CSMD1: variants seen among roughly 807,000 people sequenced by gnomAD.
The protein encoded by CSMD1 is CUB and sushi domain-containing protein 1.
CSMD1 carries 213 observed loss-of-function variants against 417.5 expected under a neutral mutation model. The observed-to-expected ratio is 0.51, with a 90% CI of 0.46 to 0.57. The LOEUF (loss-of-function observed/expected upper bound fraction) is 0.57. Ranked by LOEUF, CSMD1 falls within the 20% of genes least tolerant of loss-of-function variation. The probability of loss-of-function intolerance (pLI) is 0.00; values close to 1 mark genes in which losing one functional copy is unlikely to be tolerated. For synonymous variants in CSMD1, 2,862 were observed against 1,736.8 expected, an observed-to-expected ratio of 1.65 and a Z score of -16.11; for missense variants, 6,923 against 4,529.7, an observed-to-expected ratio of 1.53 and a Z score of -15.17.
At chr8:2,958,093 G>A (rs1006915387) in intron 62 of CSMD1, among the ~76,000 whole-genome samples, 5 of 152,012 alleles carry the variant, frequency 3.3e-5, no homozygotes, top group African/African-American at 1.2e-4. Context: ...TTTCTTTTTT[G>A]TTTGTAATAA....
At chr8:4,731,222 C>T (rs1321414049) in intron 1 of CSMD1, among the ~76,000 whole-genome samples, 2 of 152,140 alleles carry the variant, frequency 1.3e-5, no homozygotes, top group Non-Finnish European at 2.9e-5. Context: ...TCAGTCCTTT[C>T]CCACTCAGCC....
chr8:4,608,000 A>C (rs1159359137), intron 2 of CSMD1, among the ~76,000 whole-genome samples: 1 of 152,096 alleles, frequency 6.6e-6, no homozygotes, highest in African/African-American at 2.4e-5. Flanking sequence ...TGGTCAGAGA[A>C]GGCATCAGGG....
chr8:4,070,217 T>C (rs1799473300), intron 3 of CSMD1, among the ~76,000 whole-genome samples: 1 of 152,192 alleles, frequency 6.6e-6, no homozygotes, highest in African/African-American at 2.4e-5. Flanking sequence ...TTTCTTGTCT[T>C]TTCTTTTTGG....
intron 54 of CSMD1, among the ~76,000 whole-genome samples, chr8:2,983,013 C>T (rs1805557568): frequency 6.6e-6 from 1 of 152,104 alleles, no homozygotes. Flanking sequence ...CATAACTTTG[C>T]AGGATTCGTA....
rs1800873170 is a variant in CSMD1, at chr8:3,259,161, C to G, written c.4153+24983G>C. Among the ~76,000 whole-genome samples, 3 of 152,204 alleles carry G rather than the reference C, an allele frequency of 2.0e-5. No homozygotes were observed. The South Asian group carries it at 6.2e-4, about 31-fold the overall frequency. ...GGCTAGGGCCATATTGAGCTGAAAA[C>G]ATTCTTATTAGTATGGACTCATATT... On this transcript the variant is annotated intron_variant, in intron 26 of 69. Transcript: ENST00000635120.
At chr8:4,192,458 G>A (rs556861409) in intron 3 of CSMD1, among the ~76,000 whole-genome samples, 4 of 152,112 alleles carry the variant, frequency 2.6e-5, no homozygotes, top group African/African-American at 9.7e-5. Context: ...GGCTCTCCGT[G>A]AATCTCGGTA....
intron 25 of CSMD1, among the ~76,000 whole-genome samples, chr8:3,298,207 C>A (rs1434454832): frequency 6.6e-6 from 1 of 152,100 alleles, no homozygotes; most frequent in Non-Finnish European, 1.5e-5. Flanking sequence ...TAGGATTCAC[C>A]ATTACCCAGC....
At chr8:3,414,698 G>C (rs1327101436) in intron 12 of CSMD1, among the ~76,000 whole-genome samples, 1 of 152,156 alleles carries the variant, frequency 6.6e-6, no homozygotes, top group African/African-American at 2.4e-5. Flanking sequence ...TTTTCTCCTA[G>C]GACATATCTC....
intron 7 of CSMD1, among the ~76,000 whole-genome samples, chr8:3,669,399 A>C (rs1798870111): frequency 6.6e-6 from 1 of 152,146 alleles, no homozygotes; most frequent in Non-Finnish European, 1.5e-5. Context: ...TGGGCTGGCC[A>C]GTCTAGGGGT....
chr8:4,179,368 T>C (rs1042173621), intron 3 of CSMD1, among the ~76,000 whole-genome samples: 1 of 152,158 alleles, frequency 6.6e-6, no homozygotes, highest in East Asian at 1.9e-4. Context: ...GAAAACTGGC[T>C]AGCCATATGT....
At chr8:3,138,504 G>A (rs994150593) in intron 41 of CSMD1, among the ~76,000 whole-genome samples, 3 of 152,192 alleles carry the variant, frequency 2.0e-5, no homozygotes, top group Admixed American at 6.5e-5. Context: ...GAGATTTGGT[G>A]GGAATGCTCG....
At chr8:4,154,391 T>G (rs566979496) in intron 3 of CSMD1, among the ~76,000 whole-genome samples, 1 of 152,320 alleles carries the variant, frequency 6.6e-6, no homozygotes, top group East Asian at 1.9e-4. Context: ...TCTAATCTAT[T>G]GTATAAGTAT....
chr8:3,026,829 C>T (rs1374099616), intron 51 of CSMD1, among the ~76,000 whole-genome samples: 1 of 152,128 alleles, frequency 6.6e-6, no homozygotes, highest in African/African-American at 2.4e-5. Context: ...TTTATGAAAA[C>T]CCCTGAGAAC....
At chr8:3,515,002 A>G (rs934277980) in intron 10 of CSMD1, among the ~76,000 whole-genome samples, 2 of 152,238 alleles carry the variant, frequency 1.3e-5, no homozygotes, top group East Asian at 3.8e-4. Context: ...TTATACTGAA[A>G]TTAAAGCCTA....
rs543191215 is a variant in CSMD1, at chr8:4,907,908, T to A, written c.85+86424A>T. 5.9e-5 allele frequency among the ~76,000 whole-genome samples: 9 copies of A among 152,260 alleles called. No individual in the cohort carries two copies. In the East Asian group the frequency reaches 1.7e-3, roughly 29 times the overall value. ...ATCCTGCAGCCATAACAAAAAATTG[T>A]GTTTCTTTTTGTGAGTTAAAATCAT... is the stretch of plus-strand genomic sequence containing the variant. On this transcript the variant is annotated intron_variant, in intron 1 of 69. Transcript: ENST00000635120.
At chr8:3,531,371 GA>G (rs1329762286) in intron 10 of CSMD1, among the ~76,000 whole-genome samples, 6 of 152,090 alleles carry the variant, frequency 3.9e-5, no homozygotes, top group Admixed American at 2.0e-4. Flanking sequence ...CATTTGCTCA[GA>G]TGTGTTTTCA....
intron 29 of CSMD1, among the ~76,000 whole-genome samples, chr8:3,218,970 T>C (rs570948995): frequency 6.6e-6 from 1 of 152,382 alleles, no homozygotes; most frequent in South Asian, 2.1e-4. Flanking sequence ...AAAATAATTA[T>C]TAAATGTCAT....
intron 12 of CSMD1, among the ~76,000 whole-genome samples, chr8:3,448,323 G>GGAA (rs1563399741): frequency 1.2e-4 from 1 of 8,692 alleles, no homozygotes; most frequent in African/African-American, 2.4e-4. Context: ...AAGGAAGGAA[G>GGAA]GGAGCAAGGG....
chr8:3,863,269 C>G (rs986628509), intron 5 of CSMD1, among the ~76,000 whole-genome samples: 1 of 151,976 alleles, frequency 6.6e-6, no homozygotes, highest in Non-Finnish European at 1.5e-5. Context: ...TGGTGGCAGG[C>G]ACCTGTAATC....
Sources: gnomAD v4.1 joint callset for allele counts (sites outside exome capture counted in the v4.1 genomes callset) on GRCh38, gnomAD v4.1.1 for gene constraint, MANE v1.5 for transcripts, NCBI Gene and HGNC (gene_info 2026-07-23, HGNC 2026-07-21) for gene names.